Variants in NRXN3 observed in about 807,000 individuals in gnomAD.
NRXN3 encodes the protein neurexin 3, also known as neurexin III.
Under a neutral mutation model 137.6 loss-of-function variants are expected in NRXN3, and 32 were observed. The ratio of observed to expected loss-of-function variants is 0.23; its 90% confidence interval spans 0.18 to 0.31. NRXN3 has a LOEUF of 0.31. Among genes scored for constraint, NRXN3 ranks in the 10% least tolerant of loss-of-function variants. The pLI is 1.00. For synonymous variants in NRXN3, 798 were observed against 784.5 expected (o/e 1.02, Z -0.29); for missense variants, 1,574 against 2,062.5 (o/e 0.76, Z 4.59).
chr14:78,337,866 T>C (rs2081653754), intron 4 of NRXN3, among the ~76,000 whole-genome samples: 2 of 152,078 alleles, frequency 1.3e-5, no homozygotes, highest in South Asian at 2.1e-4. Context: ...GGGGCAGCAA[T>C]GAAGTATATA....
At chr14:78,175,525 G>T (rs939840833) in intron 1 of NRXN3, among the ~76,000 whole-genome samples, 2 of 151,014 alleles carry the variant, frequency 1.3e-5, no homozygotes, top group Non-Finnish European at 2.9e-5. Context: ...GCTGTGGTCC[G>T]GTTCCTGCTG....
intron 15 of NRXN3, among the ~76,000 whole-genome samples, chr14:79,388,449 C>G (rs771828561): frequency 5.9e-5 from 9 of 152,020 alleles, no homozygotes; most frequent in Non-Finnish European, 1.2e-4. Context: ...CCCTGTTCAG[C>G]TTTGAGGAGT....
intron 10 of NRXN3, among the ~76,000 whole-genome samples, chr14:78,822,633 C>CA (rs2098954073): frequency 6.6e-6 from 1 of 151,640 alleles, no homozygotes; most frequent in Admixed American, 6.6e-5. Context: ...CGAGATCGTG[C>CA]CACTGGACTC....
intron 16 of NRXN3, among the ~76,000 whole-genome samples, chr14:79,525,103 G>A (rs2097106236): frequency 6.6e-6 from 1 of 152,128 alleles, no homozygotes; most frequent in Admixed American, 6.5e-5. Flanking sequence ...TAGGTCTTAT[G>A]ACTAGCTTTG....
chr14:79,418,235 G>C (rs759680135), intron 15 of NRXN3, among the ~76,000 whole-genome samples: 1 of 152,154 alleles, frequency 6.6e-6, no homozygotes, highest in Non-Finnish European at 1.5e-5. Flanking sequence ...TTTTCAGTTA[G>C]AGGGGTGCTG....
chr14:78,673,459 G>A lies in NRXN3; in HGVS notation c.1221+22133G>A, dbSNP rs2097958833. Among the ~76,000 whole-genome samples, 3 of 152,224 alleles carry A rather than the reference G, an allele frequency of 2.0e-5. No homozygotes were observed. The South Asian group carries it at 6.2e-4, about 32-fold the overall frequency. Reference sequence around the variant, plus strand: ...GGCACTTGGAGGTTATAGGAGTCAGGTGGAGCTATATATGGTTCCAAAACA... The same window carrying A: ...GGCACTTGGAGGTTATAGGAGTCAGATGGAGCTATATATGGTTCCAAAACA... On this transcript the variant is annotated intron_variant, in intron 6 of 20. Coordinates refer to ENST00000335750, the MANE Select transcript of NRXN3 (RefSeq NM_001330195.2).
At chr14:79,448,748 T>C (rs575705450) in intron 15 of NRXN3, among the ~76,000 whole-genome samples, 5 of 152,330 alleles carry the variant, frequency 3.3e-5, no homozygotes, top group African/African-American at 1.2e-4. Flanking sequence ...CACTTATGTA[T>C]ATACATACAC....
chr14:79,343,519 A>C (rs555346203), intron 15 of NRXN3, among the ~76,000 whole-genome samples: 2 of 152,262 alleles, frequency 1.3e-5, no homozygotes, highest in East Asian at 3.9e-4. Flanking sequence ...CAGGGTACAA[A>C]GGTGTCACCT....
In NRXN3 at chr14:78,325,373, A is replaced by G. The variant is rs548017784; in HGVS notation, c.757+27513A>G. ...AGTACTCTGCCTTTCACAGTGTCACAGATTGCTTGAATGAATGTACACTGT... is the reference window on the plus strand; with the variant it reads ...AGTACTCTGCCTTTCACAGTGTCACGGATTGCTTGAATGAATGTACACTGT... On this transcript the variant is annotated intron_variant, in intron 4 of 20. Coordinates refer to ENST00000335750, the MANE Select transcript of NRXN3 (RefSeq NM_001330195.2). Among the ~76,000 whole-genome samples, 7 of 152,172 alleles carry G rather than the reference A, an allele frequency of 4.6e-5. No homozygotes were observed. In the East Asian group the frequency reaches 9.7e-4, roughly 21 times the overall value.
intron 15 of NRXN3, among the ~76,000 whole-genome samples, chr14:79,057,803 C>G (rs933741560): frequency 6.6e-6 from 1 of 151,978 alleles, no homozygotes; most frequent in Admixed American, 6.6e-5. Flanking sequence ...TTGCCAACTG[C>G]TCCTTGGGCA....
intron 6 of NRXN3, among the ~76,000 whole-genome samples, chr14:78,701,936 G>A (rs1330028859): frequency 3.3e-5 from 5 of 152,146 alleles, no homozygotes; most frequent in East Asian, 1.9e-4. Context: ...GCATCCATGC[G>A]ATGCAGCAGT....
chr14:79,299,383 A>G (rs1286687956), intron 15 of NRXN3, among the ~76,000 whole-genome samples: 1 of 152,132 alleles, frequency 6.6e-6, no homozygotes, highest in Admixed American at 6.6e-5. Context: ...AAAGGAAGAG[A>G]GTAAACATTT....
At chr14:79,643,246 T>C (rs982222954) in intron 16 of NRXN3, among the ~76,000 whole-genome samples, 1 of 135,852 alleles carries the variant, frequency 7.4e-6, no homozygotes, top group African/African-American at 2.5e-5. Context: ...TATATCAAAT[T>C]ATGCTATCTC....
chr14:79,094,013 C>G (rs1262156415), intron 15 of NRXN3, among the ~76,000 whole-genome samples: 1 of 152,110 alleles, frequency 6.6e-6, no homozygotes, highest in Non-Finnish European at 1.5e-5. Context: ...TCAGGAGCCC[C>G]CTAAGTCAAG....
chr14:78,343,931 G>A (rs890572528), intron 4 of NRXN3, among the ~76,000 whole-genome samples: 5 of 152,212 alleles, frequency 3.3e-5, no homozygotes, highest in Non-Finnish European at 1.5e-5. Flanking sequence ...GTTCTATTAG[G>A]CAGTGATGCT....
At chr14:79,288,323 GT>G (rs2082621024) in intron 15 of NRXN3, among the ~76,000 whole-genome samples, 1 of 152,186 alleles carries the variant, frequency 6.6e-6, no homozygotes, top group Admixed American at 6.5e-5. Flanking sequence ...ATTCTGCTGT[GT>G]TTAGCCATAT....
intron 17 of NRXN3, among the ~76,000 whole-genome samples, chr14:79,679,651 TAAA>T (rs1442095495): frequency 6.6e-6 from 1 of 151,986 alleles, no homozygotes; most frequent in African/African-American, 2.4e-5. Context: ...GTAAAAAGCT[TAAA>T]AAAGAAAAAG....
intron 4 of NRXN3, among the ~76,000 whole-genome samples, chr14:78,520,929 A>G (rs901623039): frequency 3.3e-5 from 5 of 152,278 alleles, no homozygotes; most frequent in African/African-American, 1.2e-4. Flanking sequence ...TTTCTTTTTA[A>G]AAAATAGCTC....
chr14:78,897,335 G>A (rs1387372202), intron 10 of NRXN3, among the ~76,000 whole-genome samples: 1 of 151,874 alleles, frequency 6.6e-6, no homozygotes, highest in Non-Finnish European at 1.5e-5. Flanking sequence ...CACAGTAACA[G>A]TAGGAGATAT....
Sources: allele counts gnomAD v4.1 joint callset (sites outside exome capture counted in the v4.1 genomes callset), GRCh38; gene constraint gnomAD v4.1.1; transcripts MANE v1.5; gene names NCBI Gene and HGNC (gene_info 2026-07-23, HGNC 2026-07-21).